Variants in BLOC1S2 observed in about 807,000 individuals in gnomAD.
BLOC1S2 encodes biogenesis of lysosome-related organelles complex 1 subunit 2.
A neutral mutation model predicts 19.6 loss-of-function variants in BLOC1S2; 12 were observed. That is an observed-to-expected ratio of 0.61 (90% CI 0.39 to 0.99). The LOEUF is 0.99. Ranked by LOEUF, BLOC1S2 falls within the 50% of genes least tolerant of loss-of-function variation. The pLI is 0.00. For missense variants in BLOC1S2, 142 were observed against 171.0 expected, an observed-to-expected ratio of 0.83 and a Z score of 0.95; for synonymous variants, 66 against 64.1, an observed-to-expected ratio of 1.03 and a Z score of -0.14.
chr10:100,285,684 G>A (rs949693141), intron 2 of BLOC1S2, among the ~76,000 whole-genome samples: 1 of 152,156 alleles, frequency 6.6e-6, no homozygotes. Flanking sequence ...AAATCTGCAG[G>A]TCACTCCCCG....
Position 100,274,693 on chromosome 10 carries a change from A to C in BLOC1S2, c.*769T>G, listed in dbSNP as rs1847808753. 3.1e-6 allele frequency: 1 copy of C among 319,126 alleles called. No homozygotes were observed. The highest frequency in any genetic ancestry group is 1.6e-4 in the South Asian group (1 of 6,270). The allele number at this position is 319,126 out of a possible 1,614,324, so 19.8% of individuals were successfully genotyped here. ...TCCCCCCAAATCCTACATACACAGT[A>C]GGAAGGTATTTTATAAAATCCTTTA... On this transcript the variant is annotated 3_prime_UTR_variant, in exon 5 of 5. Coordinates refer to ENST00000370372, the MANE Select transcript of BLOC1S2 (RefSeq NM_173809.5).
At position 100,275,524 on chromosome 10, in the gene BLOC1S2, T is replaced by C. The variant is rs750854273; in HGVS notation, c.398-31A>G. 3.1e-6 allele frequency: 5 copies of C among 1,590,646 alleles called. No individual in the cohort carries two copies. The East Asian group carries it at 1.1e-4, about 36-fold the overall frequency. On this transcript the variant is annotated intron_variant, in intron 4 of 4. Transcript: ENST00000370372. ...AGGGATGAGGGAGAGTTACATCTTT[T>C]AAAACTGGCTCTTACAAAGACAGTT...
intron 2 of BLOC1S2, among the ~76,000 whole-genome samples, chr10:100,281,337 A>C (rs938754253): frequency 6.6e-6 from 1 of 152,206 alleles, no homozygotes; most frequent in Non-Finnish European, 1.5e-5. Flanking sequence ...AAGGGAGGTA[A>C]AATAGTCTTG....
rs1276125222 is a variant in BLOC1S2, at chr10:100,277,989, G to T, written c.397+2135C>A. ...GAGGAGCCCCTCTGCCCGGCCAGCCGCCCTGTCCGGGAGGGAGGTGAGGGA... is the reference window on the plus strand; with the variant it reads ...GAGGAGCCCCTCTGCCCGGCCAGCCTCCCTGTCCGGGAGGGAGGTGAGGGA... On this transcript the variant is annotated intron_variant, in intron 4 of 4. Transcript: ENST00000370372. 9.3e-5 allele frequency among the ~76,000 whole-genome samples: 10 copies of T among 107,614 alleles called. 1 individual carries two copies. The highest frequency in any genetic ancestry group is 6.3e-4 in the South Asian group (2 of 3,190). 70.6% of individuals were successfully genotyped at this position (107,614 alleles called of 152,430 possible).
Position 100,275,412 on chromosome 10 carries a change from C to T in BLOC1S2, c.*50G>A, listed in dbSNP as rs917899647. On this transcript the variant is annotated 3_prime_UTR_variant, in exon 5 of 5. Transcript: ENST00000370372. The stretch of plus-strand genomic sequence containing the variant: ...GCCTCAGGATTCAGGTTTTATAAGA[C>T]ATTCTTCCACATTAAAAAAAAAAGA... 5 of 1,531,048 alleles carry T rather than the reference C, an allele frequency of 3.3e-6. No homozygotes were observed. In the African/African-American group the frequency reaches 5.6e-5, roughly 17 times the overall value. The allele number at this position is 1,531,048 out of a possible 1,614,324, so 94.8% of individuals were successfully genotyped here. A position where few individuals can be genotyped will look rare whatever the true frequency, so the allele number is the denominator to read the frequency against.
At chr10:100,280,831 C>T (rs111693555) in intron 3 of BLOC1S2, 103 bp downstream of exon 3, 23 of 1,368,422 alleles carry the variant, frequency 1.7e-5, no homozygotes, top group Non-Finnish European at 1.8e-5. Context: ...AGAAAACAAG[C>T]TCCCACAAGA....
At chr10:100,285,989 T>C (rs1416646176) in intron 2 of BLOC1S2, 108 bp downstream of exon 2, 2 of 1,440,002 alleles carry the variant, frequency 1.4e-6, no homozygotes, top group Admixed American at 2.2e-5. Context: ...CCAACAGGCC[T>C]GTCTCAGGGC....
At chr10:100,277,188 G>A (rs1210208313) in intron 4 of BLOC1S2, among the ~76,000 whole-genome samples, 47 of 149,482 alleles carry the variant, frequency 3.1e-4, no homozygotes, top group Admixed American at 2.2e-3. Flanking sequence ...GTCTCTGCCC[G>A]GCCGCCCCGT....
At chr10:100,280,301 T>A in intron 3 of BLOC1S2, 73 bp from the exon 4 acceptor site, 2 of 1,337,968 alleles carry the variant, frequency 1.5e-6, no homozygotes, top group Non-Finnish European at 2.1e-6. Context: ...AGTGGAAAAG[T>A]AATAATGCTA....
rs141960077 is a variant in BLOC1S2, at chr10:100,278,980, A to T, written c.397+1144T>A. Among the ~76,000 whole-genome samples the T allele has an allele frequency of 6.6e-5, 10 of 152,164 alleles. No homozygotes were observed. The East Asian group carries it at 1.9e-3, about 29-fold the overall frequency. On this transcript the variant is annotated intron_variant, in intron 4 of 4. Transcript: ENST00000370372. ...TGCACACCTGTAGTCCCAGGTACTC[A>T]GGAGGCTGAGGAAGGAGGATCACTA...
At chr10:100,280,393 G>A (rs1167202360) in intron 3 of BLOC1S2, among the ~76,000 whole-genome samples, 165 bp from the exon 4 acceptor site, 1 of 152,236 alleles carries the variant, frequency 6.6e-6, no homozygotes, top group African/African-American at 2.4e-5. Context: ...TTAGAAGACA[G>A]TAGCTAGTTG....
At chr10:100,276,325 C>T (rs1265882549) in intron 4 of BLOC1S2, among the ~76,000 whole-genome samples, 2 of 58,926 alleles carry the variant, frequency 3.4e-5, no homozygotes, top group Admixed American at 1.6e-4. Flanking sequence ...CCGTCTCCCT[C>T]TCTCTCTCCC....
Position 100,281,033 on chromosome 10 carries a change from G to C in BLOC1S2, c.193C>G (p.Leu65Val). ...GTGAGTTTATTCATATTTTCCAGGAGCTTATAGTCTTCACTGGTGGCTTGA... is the reference window on the plus strand; with the variant it reads ...GTGAGTTTATTCATATTTTCCAGGACCTTATAGTCTTCACTGGTGGCTTGA... ...ELTATSEDYK[L>V]LENMNKLTSL... Residue 65 changes from leucine (L) to valine (V), a missense_variant, in exon 3 of 5, where the codon CTC (leucine) becomes GTC (valine). Coordinates refer to ENST00000370372, the MANE Select transcript of BLOC1S2 (RefSeq NM_173809.5). 1 of 1,613,400 alleles carries C rather than the reference G, an allele frequency of 6.2e-7. No individual in the cohort carries two copies. The highest frequency in any genetic ancestry group is 8.5e-7 in the Non-Finnish European group (1 of 1,179,770).
rs1274682897 is a variant in BLOC1S2 at position 100,275,227 on chromosome 10, C to G, written c.*235G>C. The G allele has an allele frequency of 4.3e-6, 2 of 463,086 alleles. No homozygotes were observed. The highest frequency in any genetic ancestry group is 7.7e-6 in the Non-Finnish European group (2 of 259,998). The allele number at this position is 463,086 out of a possible 1,614,324, so 28.7% of individuals were successfully genotyped here. On this transcript the variant is annotated 3_prime_UTR_variant, in exon 5 of 5. Transcript: ENST00000370372. ...AGTCTCTGTCCTGAATATGGCAAAG[C>G]ATTCAAGTAAAAGGTAGGAAGTTAT...
chr10:100,273,698 G>A lies in BLOC1S2; in HGVS notation c.*1764C>T, dbSNP rs552190826. Reference sequence around the variant, plus strand: ...AAAAATACAAAAATTAGCCTGGCATGGTGGTGGGCACCTGTAAATCTCAAC... The same window carrying A: ...AAAAATACAAAAATTAGCCTGGCATAGTGGTGGGCACCTGTAAATCTCAAC... On this transcript the variant is annotated 3_prime_UTR_variant, in exon 5 of 5. Coordinates refer to ENST00000370372, the MANE Select transcript of BLOC1S2 (RefSeq NM_173809.5). 18 of 152,094 alleles carry A rather than the reference G, an allele frequency of 1.2e-4. No homozygotes were observed. Among genetic ancestry groups the A allele is most frequent in the African/African-American group, 3.6e-4 (15 of 41,492 alleles). 9.4% of individuals were successfully genotyped at this position (152,094 alleles called of 1,614,324 possible). A position where few individuals can be genotyped will look rare whatever the true frequency, so the allele number is the denominator to read the frequency against.
intron 4 of BLOC1S2, among the ~76,000 whole-genome samples, chr10:100,278,566 G>A (rs1311963675): frequency 6.6e-6 from 1 of 152,054 alleles, no homozygotes; most frequent in South Asian, 2.1e-4. Context: ...CATGTGCTGT[G>A]TCCACTCAGG....
At chr10:100,279,647 G>T (rs1231018635) in intron 4 of BLOC1S2, among the ~76,000 whole-genome samples, 1 of 152,180 alleles carries the variant, frequency 6.6e-6, no homozygotes, top group Non-Finnish European at 1.5e-5. Flanking sequence ...GCCAGGCCGA[G>T]GTGGGCAGAT....
At chr10:100,278,237 C>T (rs1312298971) in intron 4 of BLOC1S2, among the ~76,000 whole-genome samples, 20 of 149,818 alleles carry the variant, frequency 1.3e-4, no homozygotes, top group African/African-American at 4.8e-4. Context: ...CCTGGCCAGC[C>T]ACCCGGTCCA....
In BLOC1S2 at chr10:100,273,298, A is replaced by G. The variant is rs1847767390; in HGVS notation, c.*2164T>C. 6.6e-6 allele frequency: 1 copy of G among 152,230 alleles called. No individual in the cohort carries two copies. 9.4% of individuals were successfully genotyped at this position (152,230 alleles called of 1,614,324 possible). A position where few individuals can be genotyped will look rare whatever the true frequency, so the allele number is the denominator to read the frequency against. ...AAATATTAAGGTGAAGGACATCCCA[A>G]TAACTCTTGATTTAATATTTACACA... On this transcript the variant is annotated 3_prime_UTR_variant, in exon 5 of 5. Coordinates refer to ENST00000370372, the MANE Select transcript of BLOC1S2 (RefSeq NM_173809.5).
Sources: gnomAD v4.1 joint callset for allele counts (sites outside exome capture counted in the v4.1 genomes callset) on GRCh38, gnomAD v4.1.1 for gene constraint, MANE v1.5 for transcripts, NCBI Gene and HGNC (gene_info 2026-07-23, HGNC 2026-07-21) for gene names.